PITPNC1: variants seen among roughly 807,000 people sequenced by gnomAD.
PITPNC1 encodes cytoplasmic phosphatidylinositol transfer protein 1.
Under a neutral mutation model 44.7 loss-of-function variants are expected in PITPNC1, and 18 were observed. The observed-to-expected ratio is 0.40, with a 90% CI of 0.28 to 0.60. The LOEUF (loss-of-function observed/expected upper bound fraction) is 0.60, where lower values mean the gene tolerates loss of function less well. Among genes scored for constraint, PITPNC1 ranks in the 20% least tolerant of loss-of-function variants. The pLI is 0.39. For synonymous variants in PITPNC1, 141 were observed against 149.6 expected (o/e 0.94, Z 0.42); for missense variants, 290 against 418.4 (o/e 0.69, Z 2.68).
At chr17:67,494,585 G>A (rs1462403567) in intron 1 of PITPNC1, among the ~76,000 whole-genome samples, 2 of 152,152 alleles carry the variant, frequency 1.3e-5, no homozygotes, top group African/African-American at 4.8e-5. Flanking sequence ...TTTGCTTGCT[G>A]GTGGTGGCCA....
chr17:67,668,816 C>T lies in PITPNC1; in HGVS notation c.463-692C>T, dbSNP rs181023948. Among the ~76,000 whole-genome samples the T allele has an allele frequency of 1.7e-3, 252 of 151,570 alleles. 2 individuals carry two copies. Among genetic ancestry groups the T allele is most frequent in the African/African-American group, 5.3e-3 (218 of 41,270 alleles). On this transcript the variant is annotated intron_variant, in intron 6 of 8. Coordinates refer to ENST00000581322, the MANE Select transcript of PITPNC1 (RefSeq NM_012417.4). ...GGTGGAGCTTGCAGTGAGCCGAGAT[C>T]GCACCACTGCACTCCAGCCTGGGCG...
chr17:67,600,556 A>C (rs576079161), intron 5 of PITPNC1, among the ~76,000 whole-genome samples: 1 of 152,224 alleles, frequency 6.6e-6, no homozygotes, highest in East Asian at 1.9e-4. Context: ...AATGAAATCT[A>C]AGTGGATCAG....
intron 1 of PITPNC1, among the ~76,000 whole-genome samples, chr17:67,433,683 C>T (rs1395101308): frequency 1.3e-5 from 2 of 152,104 alleles, no homozygotes; most frequent in African/African-American, 4.8e-5. Flanking sequence ...TGTGCTACAG[C>T]CTGGATAGTA....
rs188386302 is a variant in PITPNC1, at chr17:67,533,047, A to C, written c.197+97A>C. The C allele has an allele frequency of 5.0e-4, 453 of 898,354 alleles. 2 individuals carry two copies. In the African/African-American group the frequency reaches 6.9e-3, roughly 14 times the overall value. The allele number at this position is 898,354 out of a possible 1,614,324, so 55.6% of individuals were successfully genotyped here. A position where few individuals can be genotyped will look rare whatever the true frequency, so the allele number is the denominator to read the frequency against. ...AGTGGGTGTCTGGGATGAAAAGGTC[A>C]CTTGGAAAGTAACTACGTCCACCGT... On this transcript the variant is annotated intron_variant, in intron 2 of 8. Coordinates refer to ENST00000581322, the MANE Select transcript of PITPNC1 (RefSeq NM_012417.4).
At chr17:67,681,608 CAAAAAAAAAAAAAAAA>C (rs5821459) in intron 8 of PITPNC1, among the ~76,000 whole-genome samples, 1 of 36,416 alleles carries the variant, frequency 2.7e-5, no homozygotes, top group Non-Finnish European at 5.0e-5. Context: ...AACCCTATCT[CAAAAAAAAAAAAAAAA>C]AAAAAAAAAA....
At chr17:67,643,876 G>A (rs556977273) in intron 6 of PITPNC1, among the ~76,000 whole-genome samples, 4 of 152,306 alleles carry the variant, frequency 2.6e-5, no homozygotes, top group South Asian at 2.1e-4. Context: ...TGGTGGCTCC[G>A]TGGAAACCAT....
intron 5 of PITPNC1, among the ~76,000 whole-genome samples, chr17:67,609,010 TTTTA>T (rs149418935): frequency 0.074 from 11,185 of 151,498 alleles, 498 homozygotes; most frequent in South Asian, 0.12. Flanking sequence ...TTCCCTGTGA[TTTTA>T]TTTATTTATT....
chr17:67,435,830 C>T (rs927282337), intron 1 of PITPNC1, among the ~76,000 whole-genome samples: 11 of 152,040 alleles, frequency 7.2e-5, no homozygotes, highest in Admixed American at 5.2e-4. Flanking sequence ...CCAGCCTGGA[C>T]AACAGAGCGG....
At chr17:67,666,831 A>C (rs968418549) in intron 6 of PITPNC1, among the ~76,000 whole-genome samples, 1 of 152,224 alleles carries the variant, frequency 6.6e-6, no homozygotes. Flanking sequence ...AAGGGAAGTC[A>C]AGGGCAGCCT....
chr17:67,443,389 T>A (rs1482239915), intron 1 of PITPNC1, among the ~76,000 whole-genome samples: 1 of 151,956 alleles, frequency 6.6e-6, no homozygotes, highest in Admixed American at 6.6e-5. Flanking sequence ...TGTTTTCCCA[T>A]AGGAAATTGT....
intron 2 of PITPNC1, among the ~76,000 whole-genome samples, chr17:67,551,202 A>G (rs562755702): frequency 3.3e-5 from 5 of 152,306 alleles, no homozygotes; most frequent in Admixed American, 3.3e-4. Flanking sequence ...CTGAAGAAAA[A>G]CAAAACATTG....
intron 1 of PITPNC1, among the ~76,000 whole-genome samples, chr17:67,378,702 C>T (rs1780507599): frequency 6.6e-6 from 1 of 152,204 alleles, no homozygotes; most frequent in Admixed American, 6.5e-5. Context: ...GGGGAGGTCC[C>T]TGCGGGGCCC....
At chr17:67,601,885 G>A (rs2041545268) in intron 5 of PITPNC1, among the ~76,000 whole-genome samples, 1 of 152,174 alleles carries the variant, frequency 6.6e-6, no homozygotes, top group African/African-American at 2.4e-5. Flanking sequence ...AAGGGGCAGA[G>A]AGTGACGAGC....
At chr17:67,458,790 T>C (rs1269904596) in intron 1 of PITPNC1, among the ~76,000 whole-genome samples, 1 of 152,234 alleles carries the variant, frequency 6.6e-6, no homozygotes, top group Non-Finnish European at 1.5e-5. Flanking sequence ...CATGGTCTGA[T>C]AGTGAGGCTC....
At chr17:67,425,896 C>T (rs1322702446) in intron 1 of PITPNC1, among the ~76,000 whole-genome samples, 1 of 152,140 alleles carries the variant, frequency 6.6e-6, no homozygotes, top group African/African-American at 2.4e-5. Flanking sequence ...GTCTATGTCA[C>T]AACCACTCAA....
intron 6 of PITPNC1, among the ~76,000 whole-genome samples, chr17:67,647,171 G>A (rs189754809): frequency 1.2e-3 from 185 of 152,236 alleles, no homozygotes; most frequent in African/African-American, 4.3e-3. Context: ...TCATCTTTGG[G>A]GAGAAGTTTC....
rs1013076449 is a variant in PITPNC1, at chr17:67,694,080, C to T, written c.*1192C>T. 7 of 152,270 alleles carry T rather than the reference C, an allele frequency of 4.6e-5. No individual in the cohort carries two copies. Among genetic ancestry groups the T allele is most frequent in the African/African-American group, 1.7e-4 (7 of 41,472 alleles). The allele number at this position is 152,270 out of a possible 1,614,324, so 9.4% of individuals were successfully genotyped here. A position where few individuals can be genotyped will look rare whatever the true frequency, so the allele number is the denominator to read the frequency against. On this transcript the variant is annotated 3_prime_UTR_variant, in exon 9 of 9. Transcript: ENST00000581322. ...AGGAGGAGTGATAATAGATGCCCTTCTGTCTAGCTTTCCTTTCTTCAACTA... is the reference window on the plus strand; with the variant it reads ...AGGAGGAGTGATAATAGATGCCCTTTTGTCTAGCTTTCCTTTCTTCAACTA...
chr17:67,587,569 C>G (rs1194174773), intron 5 of PITPNC1, among the ~76,000 whole-genome samples: 1 of 152,106 alleles, frequency 6.6e-6, no homozygotes. Flanking sequence ...TGATTTTTAT[C>G]TAGGGAGAGG....
At chr17:67,567,348 G>T (rs2040993790) in intron 4 of PITPNC1, among the ~76,000 whole-genome samples, 1 of 152,166 alleles carries the variant, frequency 6.6e-6, no homozygotes, top group Non-Finnish European at 1.5e-5. Flanking sequence ...GCCAGGCGTG[G>T]TGGCAGGTGC....
Sources: gnomAD v4.1 joint callset for allele counts (sites outside exome capture counted in the v4.1 genomes callset) on GRCh38, gnomAD v4.1.1 for gene constraint, MANE v1.5 for transcripts, NCBI Gene and HGNC (gene_info 2026-07-23, HGNC 2026-07-21) for gene names.